Variants in POLG observed in about 807,000 individuals in gnomAD.
The protein encoded by POLG is DNA polymerase subunit gamma-1.
Under a neutral mutation model 155.4 loss-of-function variants are expected in POLG, and 110 were observed. The ratio of observed to expected loss-of-function variants is 0.71; its 90% confidence interval spans 0.61 to 0.83. The LOEUF (loss-of-function observed/expected upper bound fraction) is 0.83. Among genes scored for constraint, POLG ranks in the 40% least tolerant of loss-of-function variants. POLG has a pLI of 0.00. For missense variants in POLG, 1,685 were observed against 1,627.5 expected (o/e 1.04, Z -0.61); for synonymous variants, 701 against 631.5 (o/e 1.11, Z -1.65).
rs924516946 is a variant in POLG, at chr15:89,327,162, G to A, written c.1433+5C>T. On this transcript the variant is annotated splice_donor_5th_base_variant and intron_variant, in intron 7 of 22. Coordinates refer to ENST00000268124, the MANE Select transcript of POLG (RefSeq NM_002693.3). ...CTAGATCCTGCCCACCCAAGGCCTGGCTACCTCTCTCCTGAGAGCAGCTGG... is the reference window on the plus strand; with the variant it reads ...CTAGATCCTGCCCACCCAAGGCCTGACTACCTCTCTCCTGAGAGCAGCTGG... 9 of 1,614,196 alleles carry A rather than the reference G, an allele frequency of 5.6e-6. No homozygotes were observed. The East Asian group carries it at 1.8e-4, about 32-fold the overall frequency.
intron 10 of POLG, among the ~76,000 whole-genome samples, chr15:89,325,220 G>A (rs1427620036): frequency 1.6e-5 from 1 of 60,966 alleles, no homozygotes. Flanking sequence ...GTGAGTGAGT[G>A]AGAGAGTGAG....
rs1567194434 is a variant in POLG at position 89,333,612 on chromosome 15, TGCTGCTGCTGCTGCTGCC to T, written c.125_142del (p.Arg42_Gln47del). ...AGGCTGCTGTTGCTGCTGCTGCTGC[TGCTGCTGCTGCTGCTGCC>T]GCCGCCGCTGCCCGTCGCTGGGGTC... On this transcript the variant is annotated inframe_deletion, in exon 2 of 23. Coordinates refer to ENST00000268124, the MANE Select transcript of POLG (RefSeq NM_002693.3). 6.2e-7 allele frequency: 1 copy of T among 1,600,118 alleles called. No homozygotes were observed. The highest frequency in any genetic ancestry group is 8.5e-7 in the Non-Finnish European group (1 of 1,175,496).
intron 18 of POLG, 74 bp from the exon 19 acceptor site, chr15:89,319,424 T>C: frequency 6.3e-7 from 1 of 1,586,644 alleles, no homozygotes; most frequent in East Asian, 2.2e-5. Context: ...CAAGGAATGT[T>C]CACATATCAC....
chr15:89,322,859 A>G lies in POLG; in HGVS notation c.2309T>C (p.Phe770Ser). Residue 770 changes from phenylalanine (F) to serine (S), a missense_variant, in exon 14 of 23, where the codon TTC (phenylalanine) becomes TCC (serine). Transcript: ENST00000268124. ...CNVGSPFAKD[F>S]LPKMEDGTLQ... ...GGTGCCATCCTCCATCTTGGGCAGG[A>G]AGTCCTTGGCAAAGGGGCTTCCCAC... The G allele has an allele frequency of 6.2e-7, 1 of 1,613,878 alleles. No individual in the cohort carries two copies. The highest frequency in any genetic ancestry group is 8.5e-7 in the Non-Finnish European group (1 of 1,179,978).
intron 9 of POLG, 45 bp from the exon 10 acceptor site, chr15:89,325,731 G>A (rs2055508482): frequency 1.4e-6 from 2 of 1,399,192 alleles, no homozygotes; most frequent in African/African-American, 2.8e-5. Flanking sequence ...GGTAAGGGCA[G>A]TTGTTGGGGG....
In POLG at chr15:89,326,990, C is replaced by A; in HGVS notation, c.1507G>T (p.Val503Leu). ...CTGGCTGTGGCTGGTTCCTTCTTCACCTTCTTAGCTTTCTTCTGCTTAAAT... is the reference window on the plus strand; with the variant it reads ...CTGGCTGTGGCTGGTTCCTTCTTCAACTTCTTAGCTTTCTTCTGCTTAAAT... ...QEFKQKKAKK[V>L]KKEPATASKL... Residue 503 changes from valine to leucine, a missense_variant, in exon 8 of 23, where the codon GTG (valine) becomes TTG (leucine). By Grantham distance (32) the Val-to-Leu change is conservative. Transcript: ENST00000268124. 6.2e-7 allele frequency: 1 copy of A among 1,614,236 alleles called. No homozygotes were observed.
chr15:89,324,734 A>G (rs2055446822), intron 10 of POLG, among the ~76,000 whole-genome samples: 1 of 152,248 alleles, frequency 6.6e-6, no homozygotes, highest in East Asian at 1.9e-4. Flanking sequence ...AAGTCAACCA[A>G]GCCTTTGTCA....
intron 5 of POLG, 24 bp from the exon 6 acceptor site, chr15:89,328,559 G>T (rs369293614): frequency 3.1e-6 from 5 of 1,610,060 alleles, no homozygotes; most frequent in Non-Finnish European, 4.2e-6. Context: ...ACAGGAAGGC[G>T]CAAGGTGGGC....
chr15:89,319,500 G>A (rs1011128126), intron 18 of POLG, 150 bp from the exon 19 acceptor site: 26 of 1,023,180 alleles, frequency 2.5e-5, no homozygotes, highest in Non-Finnish European at 2.5e-5. Flanking sequence ...GGAAGAAACG[G>A]CTCAGAGAGG....
chr15:89,332,698 C>T (rs1466570010), intron 2 of POLG, among the ~76,000 whole-genome samples: 1 of 152,072 alleles, frequency 6.6e-6, no homozygotes, highest in Non-Finnish European at 1.5e-5. Context: ...CAAAAGGGAG[C>T]TTTCTACCGC....
In POLG at chr15:89,325,652, G is replaced by A. The variant is rs1343801323; in HGVS notation, c.1747C>T (p.Pro583Ser). Residue 583 changes from proline (P) to serine (S), a missense_variant, in exon 10 of 23, where the codon CCT becomes TCT. Physicochemically the swap from Pro to Ser is moderately conservative, Grantham distance 74. Coordinates refer to ENST00000268124, the MANE Select transcript of POLG (RefSeq NM_002693.3). The part of the protein sequence containing the change: ...YRKLCPRLDD[P>S]AWTPGPSLLS... ...AGGCTGGGGCCCGGGGTCCATGCAG[G>A]GTCGTCTAGCCGGGGGCAGAGCTTC... 2 of 1,611,422 alleles carry A rather than the reference G, an allele frequency of 1.2e-6. No individual in the cohort carries two copies. Among genetic ancestry groups the A allele is most frequent in the Admixed American group, 1.7e-5 (1 of 60,002 alleles).
chr15:89,319,238 T>C lies in POLG; in HGVS notation c.3094A>G (p.Thr1032Ala). The C allele has an allele frequency of 6.2e-7, 1 of 1,614,134 alleles. No individual in the cohort carries two copies. Among genetic ancestry groups the C allele is most frequent in the Non-Finnish European group, 8.5e-7 (1 of 1,180,018 alleles). Residue 1032 changes from threonine to alanine, a missense_variant, in exon 19 of 23, where the codon ACT becomes GCT. By Grantham distance (58) the Thr-to-Ala change is moderately conservative. Around this residue, in one of 3 missense-constraint regions of POLG, gnomAD observed 470 missense variants for 439.9 expected, o/e 1.07. Transcript: ENST00000268124. ...LQDLRKVQRE[T>A]ARKSQWKKWE... Reference sequence around the variant, plus strand: ...AAAGAAGGTTCTTACTTCCTTGCAGTTTCTCTCTGGACCTTGCGCAGATCC... The same window carrying C: ...AAAGAAGGTTCTTACTTCCTTGCAGCTTCTCTCTGGACCTTGCGCAGATCC...
rs1212288449 is a variant in POLG, at chr15:89,321,177, T to C, written c.2682A>G (p.Gln894=). The C allele has an allele frequency of 6.2e-7, 1 of 1,614,110 alleles. No homozygotes were observed. Among genetic ancestry groups the C allele is most frequent in the Admixed American group, 1.7e-5 (1 of 60,016 alleles). ...CAAGCACAGCTGCAATCCACAGCTC[T>C]TGGGAGTCCACATCAGCACCCACAA... ...YTLVGADVDS[Q]ELWIAAVLGD... The change falls in exon 17 of 23, where the codon CAA becomes CAG. Residue 894 remains glutamine, a synonymous_variant. Coordinates refer to ENST00000268124, the MANE Select transcript of POLG (RefSeq NM_002693.3).
Position 89,319,359 on chromosome 15 carries a change from A to C in POLG, c.2982-9T>G, listed in dbSNP as rs774707044. 161 of 1,613,542 alleles carry C rather than the reference A, an allele frequency of 1.0e-4. No individual in the cohort carries two copies. The highest frequency in any genetic ancestry group is 1.3e-4 in the Non-Finnish European group (156 of 1,180,026). On this transcript the variant is annotated splice_polypyrimidine_tract_variant and intron_variant, in intron 18 of 22. Transcript: ENST00000268124. The stretch of plus-strand genomic sequence containing the variant: ...CATCCGACAGCCGATACCTGGGGGC[A>C]GTGTTATCACCATCATTCCACGGGA...
intron 13 of POLG, 141 bp downstream of exon 13, chr15:89,323,263 A>G: frequency 1.4e-6 from 1 of 693,612 alleles, no homozygotes; most frequent in South Asian, 1.6e-5. Flanking sequence ...AGATGACAGT[A>G]TGTGCCTGAA....
rs778662837 is a variant in POLG at position 89,328,793 on chromosome 15, G to A, written c.1062C>T (p.Asn354=). 4.3e-6 allele frequency: 7 copies of A among 1,614,112 alleles called. No homozygotes were observed. Among genetic ancestry groups the A allele is most frequent in the South Asian group, 3.3e-5 (3 of 91,090 alleles). ...AAAGTCTGTGCACCTCTGCCAGACT[G>A]TTGACACTGCTGATGTCCAGCCAGT... ...SWDWLDISSV[N]SLAEVHRLYV... The change falls in exon 5 of 23, where the codon AAC becomes AAT. Residue 354 remains asparagine (N), a synonymous_variant. Transcript: ENST00000268124.
chr15:89,323,526 C>T lies in POLG; in HGVS notation c.2158-15G>A. The T allele has an allele frequency of 6.6e-7, 1 of 1,503,798 alleles. No individual in the cohort carries two copies. The highest frequency in any genetic ancestry group is 9.3e-7 in the Non-Finnish European group (1 of 1,079,242). 93.2% of individuals were successfully genotyped at this position (1,503,798 alleles called of 1,614,324 possible). On this transcript the variant is annotated splice_polypyrimidine_tract_variant and intron_variant, in intron 12 of 22. Coordinates refer to ENST00000268124, the MANE Select transcript of POLG (RefSeq NM_002693.3). ...CCACGGGCAGTCTGTGAGGGCCACACACCTATATCAGGCCCTGCTCCAGCA... is the reference window on the plus strand; with the variant it reads ...CCACGGGCAGTCTGTGAGGGCCACATACCTATATCAGGCCCTGCTCCAGCA...
intron 3 of POLG, 71 bp from the exon 4 acceptor site, chr15:89,329,181 T>G: frequency 2.2e-6 from 3 of 1,353,192 alleles, no homozygotes; most frequent in South Asian, 1.2e-5. Context: ...CACCACTGCT[T>G]GGTGGTGTGG....
chr15:89,325,984 C>A (rs1326630536), intron 9 of POLG, among the ~76,000 whole-genome samples: 5 of 152,116 alleles, frequency 3.3e-5, no homozygotes, highest in Admixed American at 6.5e-5. Context: ...CCATTTCATC[C>A]AGGGTAACTG....
Sources: gnomAD v4.1 joint callset for allele counts (sites outside exome capture counted in the v4.1 genomes callset) on GRCh38, gnomAD v4.1.1 for gene constraint, gnomAD v4.1.1 regional missense constraint, MANE v1.5 for transcripts, NCBI Gene and HGNC (gene_info 2026-07-23, HGNC 2026-07-21) for gene names.